ITGB3BP: variants seen among roughly 807,000 people sequenced by gnomAD.
ITGB3BP encodes the protein integrin subunit beta 3 binding protein, also known as centromere protein R.
ITGB3BP carries 27 observed loss-of-function variants against 29.1 expected under a neutral mutation model. The ratio of observed to expected loss-of-function variants is 0.93; its 90% confidence interval spans 0.68 to 1.28. The LOEUF (loss-of-function observed/expected upper bound fraction) is 1.28. Ranked by LOEUF, ITGB3BP falls within the 50% of genes most tolerant of loss-of-function variation. The pLI is 0.00. For synonymous variants in ITGB3BP, 61 were observed against 61.4 expected (o/e 0.99, Z 0.03); for missense variants, 192 against 200.2 (o/e 0.96, Z 0.25).
chr1:63,484,877 T>C (rs1182739220), intron 3 of ITGB3BP, among the ~76,000 whole-genome samples: 3 of 152,118 alleles, frequency 2.0e-5, no homozygotes, highest in African/African-American at 2.4e-5. Flanking sequence ...TATTTCATTA[T>C]GTTTTGAGTT....
chr1:63,523,172 C>T lies in ITGB3BP; in HGVS notation c.-39G>A. The stretch of plus-strand genomic sequence containing the variant: ...AAAGCACCACTGCCGCTGAATAAAA[C>T]GAACCCAGCAACTTCCGAAAACAGA... On this transcript the variant is annotated 5_prime_UTR_variant, in exon 1 of 9. Coordinates refer to ENST00000271002, the MANE Select transcript of ITGB3BP (RefSeq NM_014288.5). 1.2e-6 allele frequency: 2 copies of T among 1,613,622 alleles called. No individual in the cohort carries two copies. Among genetic ancestry groups the T allele is most frequent in the South Asian group, 1.1e-5 (1 of 91,056 alleles).
intron 8 of ITGB3BP, among the ~76,000 whole-genome samples, chr1:63,444,457 T>A (rs1004201601): frequency 1.2e-3 from 12 of 10,266 alleles, no homozygotes; most frequent in African/African-American, 8.0e-3. Flanking sequence ...TATATATATA[T>A]TACATATAGG....
At position 63,444,318 on chromosome 1, in the gene ITGB3BP, T is replaced by C. The variant is rs141296573; in HGVS notation, c.*1+2488A>G. ...TTTACTAAATGTGTAACTGTGACGA[T>C]GTATCTATGATCACCACCTAATATG... On this transcript the variant is annotated intron_variant, in intron 8 of 8. Transcript: ENST00000271002. Among the ~76,000 whole-genome samples, 1,151 of 152,000 alleles carry C rather than the reference T, an allele frequency of 7.6e-3. 8 individuals are homozygous for C. Among genetic ancestry groups the C allele is most frequent in the African/African-American group, 0.026 (1,090 of 41,488 alleles).
chr1:63,465,591 C>T (rs954640896), intron 4 of ITGB3BP, among the ~76,000 whole-genome samples: 6 of 151,946 alleles, frequency 3.9e-5, no homozygotes, highest in Admixed American at 6.6e-5. Flanking sequence ...GATGGGATCT[C>T]CCTATGTTGC....
chr1:63,508,545 C>T lies in ITGB3BP; in HGVS notation c.31G>A (p.Gly11Ser). 7.0e-7 allele frequency: 1 copy of T among 1,422,116 alleles called. No individual in the cohort carries two copies. Among genetic ancestry groups the T allele is most frequent in the Non-Finnish European group, 9.5e-7 (1 of 1,048,186 alleles). 88.1% of individuals were successfully genotyped at this position (1,422,116 alleles called of 1,614,324 possible). A position where few individuals can be genotyped will look rare whatever the true frequency, so the allele number is the denominator to read the frequency against. ...ATACTTACATTTTCTTCTAACAGAC[C>T]ATCCAACTTCAGTGATCTTTTAACA... The part of the protein sequence containing the change: MPVKRSLKLD[G>S]LLEENSFDPS... Residue 11 changes from glycine (G) to serine (S), a missense_variant, in exon 2 of 9, where the codon GGT (glycine) becomes AGT (serine). Coordinates refer to ENST00000271002, the MANE Select transcript of ITGB3BP (RefSeq NM_014288.5).
intron 4 of ITGB3BP, among the ~76,000 whole-genome samples, chr1:63,471,215 CT>C: frequency 7.9e-6 from 1 of 127,282 alleles, no homozygotes; most frequent in East Asian, 2.3e-4. Context: ...ATTTTTTCCC[CT>C]TTTATTGTTG....
intron 4 of ITGB3BP, among the ~76,000 whole-genome samples, chr1:63,455,672 C>T (rs1644923957): frequency 6.6e-6 from 1 of 151,998 alleles, no homozygotes; most frequent in South Asian, 2.1e-4. Context: ...GAAGGCTGCA[C>T]AATATTCTAT....
intron 4 of ITGB3BP, among the ~76,000 whole-genome samples, chr1:63,477,463 A>T (rs1645359935): frequency 6.6e-6 from 1 of 152,216 alleles, no homozygotes; most frequent in Non-Finnish European, 1.5e-5. Flanking sequence ...TCACACCTGT[A>T]ATCCCAGCAC....
At chr1:63,478,883 C>A in intron 3 of ITGB3BP, 50 bp from the exon 4 acceptor site, 2 of 653,640 alleles carry the variant, frequency 3.1e-6, no homozygotes, top group Non-Finnish European at 5.0e-6. Flanking sequence ...GAGAAATCAT[C>A]AAATTTTAAA....
At chr1:63,451,555 T>C (rs1329965296) in intron 7 of ITGB3BP, among the ~76,000 whole-genome samples, 4 of 151,968 alleles carry the variant, frequency 2.6e-5, no homozygotes, top group Non-Finnish European at 4.4e-5. Flanking sequence ...AGGGTAAAAG[T>C]TGTTAGCTTA....
intron 2 of ITGB3BP, among the ~76,000 whole-genome samples, chr1:63,502,756 C>G (rs1645968220): frequency 6.7e-6 from 1 of 149,632 alleles, no homozygotes; most frequent in Admixed American, 6.8e-5. Flanking sequence ...CGAGTGAGAA[C>G]ACGCGGTGTT....
At chr1:63,493,088 A>ACAAGCGCGCG (rs372348238) in intron 2 of ITGB3BP, among the ~76,000 whole-genome samples, 6 of 148,848 alleles carry the variant, frequency 4.0e-5, no homozygotes, top group Admixed American at 4.0e-4. Context: ...ACACACACAC[A>ACAAGCGCGCG]CGCGCGCGCG....
At chr1:63,499,673 T>C (rs1317031125) in intron 2 of ITGB3BP, among the ~76,000 whole-genome samples, 1 of 152,118 alleles carries the variant, frequency 6.6e-6, no homozygotes, top group African/African-American at 2.4e-5. Context: ...GAAAGCAAGG[T>C]TGGTTCAACA....
chr1:63,473,302 G>A (rs1453186985), intron 4 of ITGB3BP, among the ~76,000 whole-genome samples: 1 of 151,892 alleles, frequency 6.6e-6, no homozygotes, highest in Non-Finnish European at 1.5e-5. Context: ...TGGGAAGTGA[G>A]GAGCGTCTCC....
At chr1:63,493,094 G>GCGCA (rs1645698537) in intron 2 of ITGB3BP, among the ~76,000 whole-genome samples, 1 of 100,066 alleles carries the variant, frequency 1.0e-5, no homozygotes, top group African/African-American at 3.5e-5. Flanking sequence ...ACACACGCGC[G>GCGCA]CGCGCGCAAG....
intron 4 of ITGB3BP, among the ~76,000 whole-genome samples, chr1:63,464,109 C>T (rs921302797): frequency 1.3e-5 from 2 of 152,048 alleles, no homozygotes; most frequent in African/African-American, 4.8e-5. Flanking sequence ...TTTTTGGCAA[C>T]AGTTTTGACT....
intron 2 of ITGB3BP, among the ~76,000 whole-genome samples, chr1:63,503,456 T>A (rs1331825074): frequency 2.6e-5 from 4 of 152,220 alleles, no homozygotes; most frequent in Non-Finnish European, 5.9e-5. Context: ...TCCCATTCTG[T>A]AGGTTGCCTG....
At chr1:63,476,643 A>G (rs1399722694) in intron 4 of ITGB3BP, among the ~76,000 whole-genome samples, 1 of 152,234 alleles carries the variant, frequency 6.6e-6, no homozygotes, top group Non-Finnish European at 1.5e-5. Context: ...GAAAGAAGGA[A>G]AGACACTATT....
At position 63,511,628 on chromosome 1, in the gene ITGB3BP, A is replaced by G. The variant is rs80079167; in HGVS notation, c.6-3058T>C. Among the ~76,000 whole-genome samples, 1,122 of 152,270 alleles carry G rather than the reference A, an allele frequency of 7.4e-3. 4 individuals carry two copies. Among genetic ancestry groups the G allele is most frequent in the Non-Finnish European group, 0.011 (773 of 67,964 alleles). ...CTTTAAAAAAAAGAAATGAAATTTG[A>G]CATGTGCTACAACATGGATGAACCT... On this transcript the variant is annotated intron_variant, in intron 1 of 8. Coordinates refer to ENST00000271002, the MANE Select transcript of ITGB3BP (RefSeq NM_014288.5).
Sources: allele counts gnomAD v4.1 joint callset (sites outside exome capture counted in the v4.1 genomes callset), GRCh38; gene constraint gnomAD v4.1.1; transcripts MANE v1.5; gene names NCBI Gene and HGNC (gene_info 2026-07-23, HGNC 2026-07-21).